Variants in PRRT4 observed in about 807,000 individuals in gnomAD.
PRRT4 encodes the protein proline rich transmembrane protein 4.
In PRRT4, 59 loss-of-function variants were observed where a neutral mutation model predicts 55.6. The observed-to-expected ratio is 1.06, with a 90% CI of 0.86 to 1.32. PRRT4 has a LOEUF of 1.32. Ranked by LOEUF, PRRT4 falls within the 40% of genes most tolerant of loss-of-function variation. The pLI, the probability that PRRT4 is intolerant of heterozygous loss-of-function variation, is 0.00. For synonymous variants in PRRT4, 606 were observed against 601.8 expected (o/e 1.01, Z -0.10); for missense variants, 1,217 against 1,222.0 (o/e 1.00, Z 0.06).
chr7:128,355,084 C>T, intron 4 of PRRT4, among the ~76,000 whole-genome samples: 1 of 152,234 alleles, frequency 6.6e-6, no homozygotes. Context: ...GTTTTCAAAG[C>T]CTTTCACAGT....
At chr7:128,361,097 T>A (rs1355173984) in intron 1 of PRRT4, among the ~76,000 whole-genome samples, 7 of 136,298 alleles carry the variant, frequency 5.1e-5, no homozygotes, top group African/African-American at 1.8e-4. Context: ...TCTCTCTCTC[T>A]CTCTCTCACA....
Position 128,358,768 on chromosome 7 carries a change from A to G in PRRT4, c.790T>C (p.Tyr264His). Residue 264 changes from tyrosine (Y) to histidine (H), a missense_variant, in exon 4 of 5, where the codon TAC (tyrosine) becomes CAC (histidine). Transcript: ENST00000535159. The surrounding 1 kb of genome is among the most constrained non-coding windows in gnomAD (Gnocchi z 4.4). The stretch of plus-strand genomic sequence containing the variant: ...CTGGAGAGCTTCCTCTCCAGGGAGT[A>G]TGGGGGCAGGGACAGAGTGGTACCA... 1.3e-6 allele frequency: 2 copies of G among 1,551,202 alleles called. No individual in the cohort carries two copies. The highest frequency in any genetic ancestry group is 1.7e-6 in the Non-Finnish European group (2 of 1,146,734).
Position 128,358,999 on chromosome 7 carries a change from A to G in PRRT4, c.757+150T>C, listed in dbSNP as rs1797174411. 8.6e-7 allele frequency: 1 copy of G among 1,164,700 alleles called. No homozygotes were observed. Among genetic ancestry groups the G allele is most frequent in the Non-Finnish European group, 1.2e-6 (1 of 816,262 alleles). The allele number at this position is 1,164,700 out of a possible 1,614,324, so 72.1% of individuals were successfully genotyped here. ...CCAGATTCAGTATGGCAAAGAGAAT[A>G]CTCCTTCCGTGGAAGTAGTAGCCCA... On this transcript the variant is annotated intron_variant, in intron 3 of 4. Coordinates refer to ENST00000535159, the Ensembl canonical transcript of PRRT4. This position sits in a 1 kb window ranked among gnomAD's most constrained non-coding sequence, Gnocchi z 4.4.
chr7:128,357,209 T>TAC (rs763703914), intron 4 of PRRT4, among the ~76,000 whole-genome samples: 16,816 of 126,672 alleles, frequency 0.13, 1,241 homozygotes, highest in Middle Eastern at 0.21. Context: ...TTGATACAAA[T>TAC]ACACACACAC....
intron 1 of PRRT4, 134 bp from the exon 3 acceptor site, chr7:128,360,197 A>G (rs900984158): frequency 3.6e-5 from 15 of 412,252 alleles, no homozygotes; most frequent in Non-Finnish European, 5.8e-5. Flanking sequence ...TGTCCTGTCC[A>G]TGGCTCTGGC....
chr7:128,361,072 C>T (rs2116508903), intron 1 of PRRT4, among the ~76,000 whole-genome samples: 1 of 140,678 alleles, frequency 7.1e-6, no homozygotes, highest in African/African-American at 2.8e-5. Flanking sequence ...CCCCGGCCTC[C>T]CCTGTCTCTC....
At chr7:128,360,346 G>A (rs1797218744) in intron 1 of PRRT4, among the ~76,000 whole-genome samples, 1 of 152,178 alleles carries the variant, frequency 6.6e-6, no homozygotes, top group Non-Finnish European at 1.5e-5. Flanking sequence ...GTAGCAAAAG[G>A]GATGGACTTG....
exon 2 of PRRT4, chr7:128,359,707 A>G (rs1328354327): frequency 1.3e-6 from 2 of 1,551,554 alleles, no homozygotes; most frequent in African/African-American, 1.4e-5. Flanking sequence ...AAAGGGGGTC[A>G]GTCCTCAGCC....
intron 1 of PRRT4, among the ~76,000 whole-genome samples, 192 bp from the exon 3 acceptor site, chr7:128,360,255 C>G (rs969260249): frequency 1.3e-5 from 2 of 152,232 alleles, no homozygotes; most frequent in Admixed American, 1.3e-4. Context: ...GCACAAATCC[C>G]TGCCTGGGGG....
chr7:128,352,713 T>A, intron 4 of PRRT4, 35 bp from the exon 6 acceptor site: 1 of 1,489,152 alleles, frequency 6.7e-7, no homozygotes, highest in Non-Finnish European at 8.9e-7. Flanking sequence ...GAGGCAATGA[T>A]GCAGCCCTCC....
intron 4 of PRRT4, among the ~76,000 whole-genome samples, chr7:128,355,612 G>A (rs1205175107): frequency 6.6e-6 from 1 of 152,166 alleles, no homozygotes; most frequent in Admixed American, 6.5e-5. Flanking sequence ...GGTGGCATAG[G>A]TCTGGCAATG....
At position 128,359,139 on chromosome 7, in the gene PRRT4, A is replaced by G. The variant is rs754495519; in HGVS notation, c.757+10T>C. 2.6e-6 allele frequency: 4 copies of G among 1,551,250 alleles called. No individual in the cohort carries two copies. The South Asian group carries it at 4.8e-5, about 18-fold the overall frequency. ...TTCCACAATAGTTTATTGCAATGAA[A>G]TAAACTCACCCAGAGAACCCGAAAC... On this transcript the variant is annotated intron_variant, in intron 3 of 4. Coordinates refer to ENST00000535159, the Ensembl canonical transcript of PRRT4.
chr7:128,354,349 A>C (rs1797065424), intron 4 of PRRT4, among the ~76,000 whole-genome samples: 1 of 152,160 alleles, frequency 6.6e-6, no homozygotes, highest in Non-Finnish European at 1.5e-5. Flanking sequence ...AGATCACCTG[A>C]GGTCAGGAGT....
intron 4 of PRRT4, among the ~76,000 whole-genome samples, chr7:128,357,677 G>C (rs1797145423): frequency 6.6e-6 from 1 of 152,218 alleles, no homozygotes; most frequent in Non-Finnish European, 1.5e-5. Context: ...AGAAGCTGGG[G>C]AGACCAGTGG....
exon 1 of PRRT4, chr7:128,361,682 G>C (rs1797263428): frequency 6.6e-6 from 1 of 152,560 alleles, no homozygotes; most frequent in Admixed American, 6.6e-5. Flanking sequence ...CTCCGCGGCA[G>C]CCGGCTCTGA....
chr7:128,357,236 A>ACACTCTCTCT (rs1300864584), intron 4 of PRRT4, among the ~76,000 whole-genome samples: 2 of 140,808 alleles, frequency 1.4e-5, no homozygotes, highest in Non-Finnish European at 3.1e-5. Context: ...ACACACACAC[A>ACACTCTCTCT]CTCTCTCTCT....
At chr7:128,354,519 G>A (rs879760992) in intron 4 of PRRT4, among the ~76,000 whole-genome samples, 4 of 152,106 alleles carry the variant, frequency 2.6e-5, no homozygotes, top group African/African-American at 4.8e-5. Flanking sequence ...AGCAGAGATC[G>A]CGCCTCTGCA....
chr7:128,352,662 G>A (rs1797023259), exon 5 of PRRT4: 2 of 1,534,198 alleles, frequency 1.3e-6, no homozygotes, highest in Non-Finnish European at 1.7e-6. Context: ...CTGGGCCAGA[G>A]ATGGGGACTG....
chr7:128,351,126 C>T (rs1429394916), exon 5 of PRRT4: 4 of 1,547,808 alleles, frequency 2.6e-6, no homozygotes, highest in Non-Finnish European at 3.5e-6. Context: ...AGCTGTCCCG[C>T]GAGAGTCCGC....
Sources: allele counts gnomAD v4.1 joint callset (sites outside exome capture counted in the v4.1 genomes callset), GRCh38; gene constraint gnomAD v4.1.1; non-coding constraint Gnocchi (gnomAD v3.1); transcripts MANE v1.5; gene names NCBI Gene and HGNC (gene_info 2026-07-23, HGNC 2026-07-21).